The following CEP43 variants were observed in gnomAD, a reference collection of about 807,000 sequenced individuals.
The protein encoded by CEP43 is centrosomal protein 43, also known as FGFR1 oncogene partner.
A neutral mutation model predicts 52.6 loss-of-function variants in CEP43; 36 were observed. The ratio of observed to expected loss-of-function variants is 0.68; its 90% CI spans 0.52 to 0.90. The LOEUF (loss-of-function observed/expected upper bound fraction) is 0.90, where lower values mean the gene tolerates loss of function less well. Among genes scored for constraint, CEP43 ranks in the 40% least tolerant of loss-of-function variants. The pLI is 0.00. For missense variants in CEP43, 506 were observed against 472.8 expected (o/e 1.07, Z -0.65); for synonymous variants, 192 against 172.4 (o/e 1.11, Z -0.89).
rs969534413 is a variant in CEP43, at chr6:167,040,982, G to A, written c.*1004G>A. ...TATTGCTATTATGTAGGTCACGGAT[G>A]TTTATAATACTAAAGTATTTTAAAA... is the stretch of plus-strand genomic sequence containing the variant. On this transcript the variant is annotated 3_prime_UTR_variant, in exon 13 of 13. Transcript: ENST00000366847. The A allele has an allele frequency of 3.4e-5, 35 of 1,024,258 alleles. No homozygotes were observed. In the East Asian group the frequency reaches 7.5e-4, roughly 22 times the overall value. The allele number at this position is 1,024,258 out of a possible 1,614,324, so 63.4% of individuals were successfully genotyped here. A position where few individuals can be genotyped will look rare whatever the true frequency, so the allele number is the denominator to read the frequency against.
chr6:167,017,157 G>A (rs573397556), intron 7 of CEP43, among the ~76,000 whole-genome samples: 6 of 151,706 alleles, frequency 4.0e-5, no homozygotes, highest in African/African-American at 1.2e-4. Context: ...CACCAAGCCC[G>A]GCTAATTTTT....
At chr6:167,039,754 C>T (rs1403191218) in intron 12 of CEP43, 150 bp from the exon 13 acceptor site, 2 of 778,814 alleles carry the variant, frequency 2.6e-6, no homozygotes, top group Non-Finnish European at 4.2e-6. Context: ...ACCACATCTT[C>T]ACTGACATTT....
chr6:167,046,880 TC>T lies in CEP43; in HGVS notation c.*6904del, dbSNP rs1410445967. 1 of 152,240 alleles carries T rather than the reference TC, an allele frequency of 6.6e-6. No homozygotes were observed. The highest frequency in any genetic ancestry group is 1.5e-5 in the Non-Finnish European group (1 of 68,056). The allele number at this position is 152,240 out of a possible 1,614,324, so 9.4% of individuals were successfully genotyped here. ...GCAAGTTACTCTTGCAATTCTAGCT[TC>T]CAGCAGGCGTTGATTTCTGGGGCAC... On this transcript the variant is annotated 3_prime_UTR_variant, in exon 13 of 13. Transcript: ENST00000366847.
intron 9 of CEP43, among the ~76,000 whole-genome samples, chr6:167,025,390 A>G (rs1198592748): frequency 6.6e-6 from 1 of 152,212 alleles, no homozygotes; most frequent in Non-Finnish European, 1.5e-5. Context: ...GGAATAGTCT[A>G]GCTCTGGCAC....
rs1208153951 is a variant in CEP43, at chr6:167,041,624, T to A, written c.*1646T>A. The stretch of plus-strand genomic sequence containing the variant: ...ACATGTATGATTTATTTTTAATATT[T>A]GATAGGAACTAGGTTTCAGTGAAAT... On this transcript the variant is annotated 3_prime_UTR_variant, in exon 13 of 13. Transcript: ENST00000366847. 1 of 1,043,024 alleles carries A rather than the reference T, an allele frequency of 9.6e-7. No individual in the cohort carries two copies. Among genetic ancestry groups the A allele is most frequent in the African/African-American group, 1.7e-5 (1 of 59,842 alleles). The allele number at this position is 1,043,024 out of a possible 1,614,324, so 64.6% of individuals were successfully genotyped here. A position where few individuals can be genotyped will look rare whatever the true frequency, so the allele number is the denominator to read the frequency against.
chr6:167,006,917 ACTTT>A (rs1287731929), intron 5 of CEP43, among the ~76,000 whole-genome samples: 7 of 152,202 alleles, frequency 4.6e-5, no homozygotes, highest in African/African-American at 1.7e-4. Context: ...GGAAAAACTT[ACTTT>A]CTTCTCTTTA....
Position 167,033,934 on chromosome 6 carries a change from T to G in CEP43, c.1088T>G (p.Leu363Arg), listed in dbSNP as rs1780528033. Residue 363 changes from leucine (L) to arginine (R), a missense_variant, in exon 12 of 13, where the codon CTT becomes CGT. Leu to Arg is a moderately radical substitution (Grantham distance 102, BLOSUM62 -2). Transcript: ENST00000366847. ...ATTGGTGAAGAGATAGAAGAAGACC[T>G]TTCTGTGGAAATAGATGACATCAAT... ...ISIGEEIEED[L>R]SVEIDDINTS... The G allele has an allele frequency of 6.3e-7, 1 of 1,598,198 alleles. No individual in the cohort carries two copies. The highest frequency in any genetic ancestry group is 1.1e-5 in the South Asian group (1 of 89,606).
intron 10 of CEP43, chr6:167,028,506 A>G (rs765380013): frequency 2.0e-6 from 2 of 984,922 alleles, no homozygotes; most frequent in East Asian, 2.3e-4. Context: ...TTTTGCAACA[A>G]TGTTGTTTTC....
At position 167,047,437 on chromosome 6, in the gene CEP43, G is replaced by A. The variant is rs1314977127; in HGVS notation, c.*7459G>A. On this transcript the variant is annotated 3_prime_UTR_variant, in exon 13 of 13. Coordinates refer to ENST00000366847, the MANE Select transcript of CEP43 (RefSeq NM_007045.4). ...ATCAGTATTCTCAGTTTTCTCATCT[G>A]TAAAGGGGATTAAATACTTCCTTCC... 2 of 152,176 alleles carry A rather than the reference G, an allele frequency of 1.3e-5. No individual in the cohort carries two copies. The highest frequency in any genetic ancestry group is 2.9e-5 in the Non-Finnish European group (2 of 68,054). 9.4% of individuals were successfully genotyped at this position (152,176 alleles called of 1,614,324 possible).
At chr6:167,032,760 C>G (rs887585068) in intron 11 of CEP43, 118 bp downstream of exon 11, 1 of 883,878 alleles carries the variant, frequency 1.1e-6, no homozygotes, top group African/African-American at 1.7e-5. Context: ...TTCTGTTGTT[C>G]ATATTGATTG....
intron 12 of CEP43, among the ~76,000 whole-genome samples, chr6:167,034,860 A>G (rs111919719): frequency 3.4e-4 from 51 of 151,472 alleles, no homozygotes; most frequent in African/African-American, 1.2e-3. Flanking sequence ...ATAATATATA[A>G]AGCACTTCTC....
In CEP43 at chr6:167,008,475, T is replaced by A. The variant is rs537327272; in HGVS notation, c.439-2338T>A. On this transcript the variant is annotated intron_variant, in intron 5 of 12. Coordinates refer to ENST00000366847, the MANE Select transcript of CEP43 (RefSeq NM_007045.4). ...CTAAGGCATTGTGATTTTTTTTTGT[T>A]TTTTTTTGAGACGGAGTCTTGCTCT... Among the ~76,000 whole-genome samples the A allele has an allele frequency of 9.2e-5, 14 of 152,056 alleles. No individual in the cohort carries two copies. In the East Asian group the frequency reaches 2.5e-3, roughly 27 times the overall value.
chr6:167,013,046 C>G (rs1023082235), intron 6 of CEP43, among the ~76,000 whole-genome samples: 1 of 152,162 alleles, frequency 6.6e-6, no homozygotes, highest in East Asian at 1.9e-4. Context: ...TGCTAGCTAC[C>G]TCCTACCAAA....
intron 7 of CEP43, among the ~76,000 whole-genome samples, chr6:167,019,718 A>G (rs1396051814): frequency 6.6e-6 from 1 of 152,124 alleles, no homozygotes; most frequent in Non-Finnish European, 1.5e-5. Flanking sequence ...GTCTTCCTAA[A>G]ACTGGTCTTT....
intron 12 of CEP43, chr6:167,036,837 T>A: frequency 2.3e-6 from 2 of 880,006 alleles, no homozygotes; most frequent in Non-Finnish European, 2.7e-6. Flanking sequence ...AGACAGAGTC[T>A]CACTCTGTTG....
rs188945337 is a variant in CEP43 at position 167,040,081 on chromosome 6, G to C, written c.*103G>C. 1 of 1,607,484 alleles carries C rather than the reference G, an allele frequency of 6.2e-7. No individual in the cohort carries two copies. Among genetic ancestry groups the C allele is most frequent in the Non-Finnish European group, 8.5e-7 (1 of 1,176,826 alleles). ...TCAGCTGGAATGTCTGCTCTCTATT[G>C]GTGCCTTGCATTTCAAAAACACTGC... On this transcript the variant is annotated 3_prime_UTR_variant, in exon 13 of 13. Transcript: ENST00000366847.
chr6:167,040,281 T>C lies in CEP43; in HGVS notation c.*303T>C. 6.8e-7 allele frequency: 1 copy of C among 1,469,602 alleles called. No individual in the cohort carries two copies. The highest frequency in any genetic ancestry group is 1.4e-5 in the South Asian group (1 of 70,982). The allele number at this position is 1,469,602 out of a possible 1,614,324, so 91.0% of individuals were successfully genotyped here. On this transcript the variant is annotated 3_prime_UTR_variant, in exon 13 of 13. Coordinates refer to ENST00000366847, the MANE Select transcript of CEP43 (RefSeq NM_007045.4). ...CATGAAAACATCAGTGTTAAGAGCATGATGAAAGGTGTCAATAAAGCCGTA... is the reference window on the plus strand; with the variant it reads ...CATGAAAACATCAGTGTTAAGAGCACGATGAAAGGTGTCAATAAAGCCGTA...
intron 7 of CEP43, among the ~76,000 whole-genome samples, chr6:167,015,210 A>C (rs141354332): frequency 6.6e-4 from 100 of 152,220 alleles, no homozygotes; most frequent in African/African-American, 2.3e-3. Context: ...CTTCTATTTC[A>C]TTGTTGTGTT....
intron 10 of CEP43, 108 bp from the exon 11 acceptor site, chr6:167,032,494 CT>C: frequency 1.0e-6 from 1 of 974,208 alleles, no homozygotes; most frequent in Non-Finnish European, 1.4e-6. Flanking sequence ...TAGTCTGGGA[CT>C]TTTTAAATGA....
Sources: allele counts gnomAD v4.1 joint callset (sites outside exome capture counted in the v4.1 genomes callset), GRCh38; gene constraint gnomAD v4.1.1; transcripts MANE v1.5; gene names NCBI Gene and HGNC (gene_info 2026-07-23, HGNC 2026-07-21).